Variants in S100A8 observed in about 807,000 individuals in gnomAD.
The protein encoded by S100A8 is S100 calcium binding protein A8, also known as protein S100-A8.
S100A8 carries 1 observed loss-of-function variant against 4.2 expected under a neutral mutation model. That is an observed-to-expected ratio of 0.24 (90% CI 0.08 to 1.12). S100A8 has a LOEUF of 1.12. Ranked by LOEUF, S100A8 falls within the 50% of genes most tolerant of loss-of-function variation. The pLI, the probability that S100A8 is intolerant of heterozygous loss-of-function variation, is 0.53. For synonymous variants in S100A8, 41 were observed against 44.7 expected (o/e 0.92, Z 0.33); for missense variants, 96 against 111.8 (o/e 0.86, Z 0.64).
At chr1:153,418,253 G>C in the S100A8 span, 1 of 1,606,050 alleles carries the variant, frequency 6.2e-7, no homozygotes, top group East Asian at 2.2e-5. Flanking sequence ...CTCAATGTTG[G>C]TTGGACCCTG....
At chr1:153,412,285 A>G in the S100A8 span, among the ~76,000 whole-genome samples, 1 of 152,214 alleles carries the variant, frequency 6.6e-6, no homozygotes, top group African/African-American at 2.4e-5. Context: ...ACAAATTTAC[A>G]AGAAAAAAAC....
the S100A8 span, among the ~76,000 whole-genome samples, chr1:153,414,701 G>A: frequency 3.3e-5 from 5 of 152,248 alleles, no homozygotes; most frequent in Non-Finnish European, 5.9e-5. Context: ...AAGACAGTTT[G>A]GTGCTTTCTT....
At chr1:153,403,534 T>A in the S100A8 span, among the ~76,000 whole-genome samples, 1 of 152,344 alleles carries the variant, frequency 6.6e-6, no homozygotes, top group Admixed American at 6.5e-5. Context: ...TCCGTGGCCT[T>A]GTCTCATGTG....
At chr1:153,410,450 T>C in the S100A8 span, among the ~76,000 whole-genome samples, 26 of 152,314 alleles carry the variant, frequency 1.7e-4, no homozygotes, top group African/African-American at 5.8e-4. Flanking sequence ...AATTCCTGAA[T>C]AGACCAATAA....
At chr1:153,405,550 C>G in the S100A8 span, among the ~76,000 whole-genome samples, 24 of 151,770 alleles carry the variant, frequency 1.6e-4, no homozygotes, top group East Asian at 4.5e-3. Context: ...GTCCAAGAAA[C>G]AGCCTATCAC....
the S100A8 span, among the ~76,000 whole-genome samples, chr1:153,406,533 C>A: frequency 3.3e-5 from 5 of 152,152 alleles, no homozygotes; most frequent in African/African-American, 4.8e-5. Flanking sequence ...CACCCTGACA[C>A]CTGCACACCC....
chr1:153,401,191 T>C, the S100A8 span, among the ~76,000 whole-genome samples: 2 of 152,254 alleles, frequency 1.3e-5, no homozygotes, highest in African/African-American at 2.4e-5. Flanking sequence ...GATCATCTGT[T>C]TGCATTTATC....
the S100A8 span, chr1:153,417,925 C>G: frequency 2.0e-6 from 2 of 990,448 alleles, no homozygotes; most frequent in Non-Finnish European, 2.8e-6. Context: ...ACAACTTATC[C>G]CATCACATTT....
the S100A8 span, among the ~76,000 whole-genome samples, chr1:153,411,054 C>CT: frequency 6.2e-4 from 95 of 152,290 alleles, no homozygotes; most frequent in Non-Finnish European, 8.8e-4. Context: ...GAAGCATTCC[C>CT]TTTGAAAACT....
At chr1:153,416,596 A>C in the S100A8 span, 1 of 462,788 alleles carries the variant, frequency 2.2e-6, no homozygotes, top group Non-Finnish European at 4.3e-6. Flanking sequence ...CATTTTCTAG[A>C]AGTGCCCAGT....
At chr1:153,390,318 G>T (rs1662055430) in intron 2 of S100A8, 75 bp from the exon 3 acceptor site, 26 of 1,602,438 alleles carry the variant, frequency 1.6e-5, no homozygotes, top group Non-Finnish European at 2.2e-5. Context: ...TCTATGAAGG[G>T]TGGCAGGGAG....
At chr1:153,408,466 A>G in the S100A8 span, among the ~76,000 whole-genome samples, 1 of 152,232 alleles carries the variant, frequency 6.6e-6, no homozygotes, top group Admixed American at 6.5e-5. Context: ...TCCAAGAAAT[A>G]TGGGACTATG....
At chr1:153,413,710 G>A in the S100A8 span, among the ~76,000 whole-genome samples, 6 of 152,062 alleles carry the variant, frequency 3.9e-5, no homozygotes, top group Non-Finnish European at 7.4e-5. Flanking sequence ...AGACCAGCCC[G>A]GCCAACATGA....
At chr1:153,418,303 G>C in the S100A8 span, 1 of 1,569,466 alleles carries the variant, frequency 6.4e-7, no homozygotes, top group South Asian at 1.2e-5. Context: ...GCCTTGGACA[G>C]GTCACCCTCA....
At chr1:153,407,402 C>T in the S100A8 span, among the ~76,000 whole-genome samples, 8 of 152,286 alleles carry the variant, frequency 5.3e-5, no homozygotes, top group South Asian at 2.1e-4. Context: ...AACTGCACGG[C>T]GGCAGTGAGG....
At chr1:153,400,301 G>T in the S100A8 span, among the ~76,000 whole-genome samples, 8 of 152,132 alleles carry the variant, frequency 5.3e-5, no homozygotes, top group Non-Finnish European at 2.9e-5. Flanking sequence ...CTCTGAGAGG[G>T]GCCAGACCTT....
the S100A8 span, among the ~76,000 whole-genome samples, chr1:153,404,967 A>G: frequency 3.3e-5 from 5 of 151,884 alleles, no homozygotes; most frequent in African/African-American, 9.7e-5. Context: ...AATTCTCTGC[A>G]CTCAGGGCCA....
At chr1:153,391,590 T>G (rs891173298), upstream of S100A8, among the ~76,000 whole-genome samples, 14 of 152,160 alleles carry the variant, frequency 9.2e-5, no homozygotes, top group East Asian at 7.7e-4. Context: ...TTGTTCTCAT[T>G]ACTAAAAACT....
chr1:153,421,355 C>T, the S100A8 span: 1 of 152,208 alleles, frequency 6.6e-6, no homozygotes, highest in Non-Finnish European at 1.5e-5. Flanking sequence ...TACATTACTT[C>T]AGATTCCCCT....
Sources: allele counts gnomAD v4.1 joint callset (sites outside exome capture counted in the v4.1 genomes callset), GRCh38; gene constraint gnomAD v4.1.1; transcripts MANE v1.5; gene names NCBI Gene and HGNC (gene_info 2026-07-23, HGNC 2026-07-21).